The following GAMT variants were observed in gnomAD, a reference collection of about 807,000 sequenced individuals.
GAMT encodes guanidinoacetate N-methyltransferase, also known as epididymis secretory protein Li 20.
A neutral mutation model predicts 26.9 loss-of-function variants in GAMT; 26 were observed. That is an observed-to-expected ratio of 0.97 (90% CI 0.71 to 1.34). The LOEUF (loss-of-function observed/expected upper bound fraction) is 1.34. GAMT is among the 40% of genes most tolerant of loss of function. The probability of loss-of-function intolerance (pLI) is 0.00; values close to 1 mark genes in which losing one functional copy is unlikely to be tolerated. For missense variants in GAMT, 412 were observed against 345.0 expected (o/e 1.19, Z -1.54); for synonymous variants, 169 against 149.6 (o/e 1.13, Z -0.95).
chr19:1,398,340 C>T (rs2082612210), intron 5 of GAMT: 1 of 202,182 alleles, frequency 4.9e-6, no homozygotes, highest in East Asian at 1.2e-4. Context: ...TCAAGTGATC[C>T]ACCCGCCTTG....
In GAMT at chr19:1,397,513, G is replaced by A; in HGVS notation, c.571-14C>T. On this transcript the variant is annotated splice_polypyrimidine_tract_variant and intron_variant, in intron 5 of 5. Transcript: ENST00000252288. ...CACCTGCGTCTCCTGGTCGGGGATGGCACCAGGTCACCTCTGAGGGCCATG... is the reference window on the plus strand; with the variant it reads ...CACCTGCGTCTCCTGGTCGGGGATGACACCAGGTCACCTCTGAGGGCCATG... 1.9e-6 allele frequency: 3 copies of A among 1,600,992 alleles called. No homozygotes were observed. Among genetic ancestry groups the A allele is most frequent in the Non-Finnish European group, 2.5e-6 (3 of 1,179,762 alleles).
intron 1 of GAMT, 91 bp downstream of exon 1, chr19:1,401,205 G>A (rs2082631477): frequency 8.9e-7 from 1 of 1,121,480 alleles, no homozygotes; most frequent in Non-Finnish European, 1.2e-6. Flanking sequence ...GCCCCGGCGG[G>A]AGGGTGGGCT....
Position 1,399,842 on chromosome 19 carries a change from T to A in GAMT, c.278A>T (p.Asp93Val), listed in dbSNP as rs1283430129. The change falls in exon 2 of 6, where the codon GAC (aspartate) becomes GTC (valine). Residue 93 changes from aspartate to valine, a missense_variant. Physicochemically the swap from Asp to Val is radical, Grantham distance 152. Coordinates refer to ENST00000252288, the MANE Select transcript of GAMT (RefSeq NM_000156.6). This position sits in a 1 kb window ranked among gnomAD's most constrained non-coding sequence, Gnocchi z 6.2. Reference sequence around the variant, plus strand: ...GTCCCGGAGCCGCTGGAAGACGCCGTCATTGCACTCGATGATCCAATGCTC... The same window carrying A: ...GTCCCGGAGCCGCTGGAAGACGCCGACATTGCACTCGATGATCCAATGCTC... ...IDEHWIIECN[D>V]GVFQRLRDWA... The A allele has an allele frequency of 6.3e-7, 1 of 1,595,256 alleles. No individual in the cohort carries two copies. Among genetic ancestry groups the A allele is most frequent in the African/African-American group, 1.3e-5 (1 of 74,558 alleles).
At position 1,399,089 on chromosome 19, in the gene GAMT, C is replaced by A. The variant is rs374874882; in HGVS notation, c.459+39G>T. The A allele has an allele frequency of 3.1e-6, 5 of 1,613,174 alleles. No homozygotes were observed. Among genetic ancestry groups the A allele is most frequent in the African/African-American group, 1.3e-5 (1 of 74,894 alleles). On this transcript the variant is annotated intron_variant, in intron 4 of 5. Coordinates refer to ENST00000252288, the MANE Select transcript of GAMT (RefSeq NM_000156.6). This position sits in a 1 kb window ranked among gnomAD's most constrained non-coding sequence, Gnocchi z 6.2. ...GGGGGTGTGGGCAGAGGGGCTTCCC[C>A]GAGGGCCTCCCGCATCCCAGCAAGT...
At chr19:1,400,394 C>A (rs982332800) in intron 1 of GAMT, among the ~76,000 whole-genome samples, 1 of 152,060 alleles carries the variant, frequency 6.6e-6, no homozygotes, top group Admixed American at 6.5e-5. Context: ...TGGACAGAGG[C>A]GGGCGGAACA....
intron 5 of GAMT, chr19:1,397,983 CA>C: frequency 1.9e-6 from 2 of 1,034,828 alleles, no homozygotes; most frequent in Non-Finnish European, 2.3e-6. Flanking sequence ...CCAGCAAAGA[CA>C]GCCAGGTGGA....
intron 1 of GAMT, 84 bp downstream of exon 1, chr19:1,401,212 G>A (rs2082631505): frequency 8.6e-7 from 1 of 1,166,096 alleles, no homozygotes; most frequent in Admixed American, 4.1e-5. Flanking sequence ...CGGGAGGGTG[G>A]GCTGCAGAGT....
Position 1,399,446 on chromosome 19 carries a change from A to G in GAMT, c.391+78T>C. Reference sequence around the variant, plus strand: ...GCTCTGTCCCCCCAGTGCACATCAGAGGGACCCCCACAAGCAAAGGAGGGG... The same window carrying G: ...GCTCTGTCCCCCCAGTGCACATCAGGGGGACCCCCACAAGCAAAGGAGGGG... On this transcript the variant is annotated intron_variant, in intron 3 of 5. Transcript: ENST00000252288. The surrounding 1 kb of genome is among the most constrained non-coding windows in gnomAD (Gnocchi z 6.2). 1 of 1,359,904 alleles carries G rather than the reference A, an allele frequency of 7.4e-7. No homozygotes were observed. The highest frequency in any genetic ancestry group is 1.0e-6 in the Non-Finnish European group (1 of 973,532). 84.2% of individuals were successfully genotyped at this position (1,359,904 alleles called of 1,614,324 possible). A position where few individuals can be genotyped will look rare whatever the true frequency, so the allele number is the denominator to read the frequency against.
intron 1 of GAMT, among the ~76,000 whole-genome samples, chr19:1,400,730 G>A (rs1185842321): frequency 6.6e-6 from 1 of 152,200 alleles, no homozygotes; most frequent in Non-Finnish European, 1.5e-5. Flanking sequence ...ACTGGACACT[G>A]GACGTGCCCA....
chr19:1,398,792 T>G, intron 5 of GAMT, 124 bp downstream of exon 5: 2 of 1,553,974 alleles, frequency 1.3e-6, no homozygotes, highest in Non-Finnish European at 1.7e-6. Flanking sequence ...ACCAGCACAG[T>G]CCAGCCCACC....
intron 5 of GAMT, chr19:1,398,371 C>G (rs2082612545): frequency 3.9e-6 from 1 of 253,726 alleles, no homozygotes. Context: ...GTGCCGGGAT[C>G]ACAGGTGTGA....
At position 1,399,647 on chromosome 19, in the gene GAMT, C is replaced by T. The variant is rs535809818; in HGVS notation, c.328-60G>A. On this transcript the variant is annotated intron_variant, in intron 2 of 5. Transcript: ENST00000252288. The surrounding 1 kb of genome is among the most constrained non-coding windows in gnomAD (Gnocchi z 6.2). The stretch of plus-strand genomic sequence containing the variant: ...TAGAGAGGTCCCCAGGATCTCCCCA[C>T]CTGCAGAAAGGGAGCGGCCAGGGGG... 510 of 1,567,422 alleles carry T rather than the reference C, an allele frequency of 3.3e-4. 1 individual carries two copies. The highest frequency in any genetic ancestry group is 2.0e-3 in the Middle Eastern group (12 of 5,990).
At position 1,401,345 on chromosome 19, in the gene GAMT, G is replaced by A. The variant is rs763864034; in HGVS notation, c.132C>T (p.Arg44=). ...GCGCGTGCATATAGGGGGTCTCCCAGCGCTCCATCACCGGCTTGCCCAGGA... is the reference window on the plus strand; with the variant it reads ...GCGCGTGCATATAGGGGGTCTCCCAACGCTCCATCACCGGCTTGCCCAGGA... ...LRILGKPVME[R]WETPYMHALA... Residue 44 remains arginine, a synonymous_variant, in exon 1 of 6, where the codon CGC becomes CGT. Transcript: ENST00000252288. 5.2e-6 allele frequency: 8 copies of A among 1,538,224 alleles called. No individual in the cohort carries two copies. The highest frequency in any genetic ancestry group is 6.9e-6 in the Non-Finnish European group (8 of 1,151,504).
rs1600160802 is a variant in GAMT at position 1,401,519 on chromosome 19, C to G, written c.-43G>C. The G allele has an allele frequency of 1.2e-5, 15 of 1,269,558 alleles. 1 individual carries two copies. In the East Asian group the frequency reaches 2.6e-4, roughly 22 times the overall value. The allele number at this position is 1,269,558 out of a possible 1,614,324, so 78.6% of individuals were successfully genotyped here. On this transcript the variant is annotated 5_prime_UTR_variant, in exon 1 of 6. Coordinates refer to ENST00000252288, the MANE Select transcript of GAMT (RefSeq NM_000156.6). ...GACCCGACCTCGATCGCGCGCCGCC[C>G]GGGCCCGCTCCCTGCAGGGGCTTGT...
At position 1,399,599 on chromosome 19, in the gene GAMT, G is replaced by A; in HGVS notation, c.328-12C>T. ...TTCAAGGGGATGACCTTGCAGAGGG[G>A]AAAAGAAAAAGAGAGGACAGGGTAG... On this transcript the variant is annotated splice_polypyrimidine_tract_variant and intron_variant, in intron 2 of 5. Transcript: ENST00000252288. This position sits in a 1 kb window ranked among gnomAD's most constrained non-coding sequence, Gnocchi z 6.2. 6.2e-7 allele frequency: 1 copy of A among 1,610,936 alleles called. No individual in the cohort carries two copies. The highest frequency in any genetic ancestry group is 8.5e-7 in the Non-Finnish European group (1 of 1,178,910).
Position 1,397,143 on chromosome 19 carries a change from G to GC in GAMT, c.*215dup. The GC allele has an allele frequency of 1.6e-6, 1 of 611,472 alleles. No homozygotes were observed. The highest frequency in any genetic ancestry group is 2.8e-6 in the Non-Finnish European group (1 of 351,416). 37.9% of individuals were successfully genotyped at this position (611,472 alleles called of 1,614,324 possible). A position where few individuals can be genotyped will look rare whatever the true frequency, so the allele number is the denominator to read the frequency against. ...GCGTTTACTTCACCTCAGGGACCCTGCAGTGGGCAGCAGTGACCCTCACAG... is the reference window on the plus strand; with the variant it reads ...GCGTTTACTTCACCTCAGGGACCCTGCCAGTGGGCAGCAGTGACCCTCACAG... On this transcript the variant is annotated 3_prime_UTR_variant, in exon 6 of 6. Coordinates refer to ENST00000252288, the MANE Select transcript of GAMT (RefSeq NM_000156.6).
rs770198054 is a variant in GAMT, at chr19:1,401,404, C to A, written c.73G>T (p.Ala25Ser). ...NCSPAWGAAP[A>S]AYDAADTHLR... ...TGCGTGTCCGCTGCGTCGTAGGCCG[C>A]GGGCGCCGCCCCCCACGCGGGGCTG... The change falls in exon 1 of 6, where the codon GCG (alanine) becomes TCG (serine). Residue 25 changes from alanine (A) to serine (S), a missense_variant. Coordinates refer to ENST00000252288, the MANE Select transcript of GAMT (RefSeq NM_000156.6). 2 of 1,456,410 alleles carry A rather than the reference C, an allele frequency of 1.4e-6. No individual in the cohort carries two copies. The highest frequency in any genetic ancestry group is 1.8e-6 in the Non-Finnish European group (2 of 1,107,170). 90.2% of individuals were successfully genotyped at this position (1,456,410 alleles called of 1,614,324 possible). A position where few individuals can be genotyped will look rare whatever the true frequency, so the allele number is the denominator to read the frequency against.
Position 1,397,498 on chromosome 19 carries a change from T to G in GAMT, c.572A>C (p.Glu191Ala). The change falls in exon 6 of 6, where the codon GAG (glutamate) becomes GCG (alanine). Residue 191 changes from glutamate (E) to alanine (A), a missense_variant and splice_region_variant. Coordinates refer to ENST00000252288, the MANE Select transcript of GAMT (RefSeq NM_000156.6). ...KYSDITIMFEETQVPALLEAG... is the reference protein window; with the variant it reads ...KYSDITIMFEATQVPALLEAG... ...CTCCAGCAGCGCGGGCACCTGCGTC[T>G]CCTGGTCGGGGATGGCACCAGGTCA... 1 of 1,603,130 alleles carries G rather than the reference T, an allele frequency of 6.2e-7. No individual in the cohort carries two copies. The highest frequency in any genetic ancestry group is 8.5e-7 in the Non-Finnish European group (1 of 1,179,798).
chr19:1,399,264 A>C lies in GAMT; in HGVS notation c.392-69T>G, dbSNP rs2082619227. The C allele has an allele frequency of 6.5e-7, 1 of 1,541,834 alleles. No individual in the cohort carries two copies. Among genetic ancestry groups the C allele is most frequent in the Non-Finnish European group, 9.0e-7 (1 of 1,115,520 alleles). The stretch of plus-strand genomic sequence containing the variant: ...CGCCTCACCCAGCCTCACCCGGCTC[A>C]TCCCCCAGCGGGTGGAGGTGCAGTG... On this transcript the variant is annotated intron_variant, in intron 3 of 5. Transcript: ENST00000252288. The surrounding 1 kb of genome is among the most constrained non-coding windows in gnomAD (Gnocchi z 6.2).
Sources: allele counts gnomAD v4.1 joint callset (sites outside exome capture counted in the v4.1 genomes callset), GRCh38; gene constraint gnomAD v4.1.1; non-coding constraint Gnocchi (gnomAD v3.1); transcripts MANE v1.5; gene names NCBI Gene and HGNC (gene_info 2026-07-23, HGNC 2026-07-21).